EFNA5: variants seen among roughly 807,000 people sequenced by gnomAD.
EFNA5 encodes ephrin-A5.
Under a neutral mutation model 22.9 loss-of-function variants are expected in EFNA5, and 5 were observed. The observed-to-expected ratio is 0.22, with a 90% CI of 0.11 to 0.46. The LOEUF (loss-of-function observed/expected upper bound fraction) is 0.46. EFNA5 is among the 20% of genes least tolerant of loss of function. The pLI is 0.99. For synonymous variants in EFNA5, 113 were observed against 112.2 expected (o/e 1.01, Z -0.04); for missense variants, 237 against 293.3 (o/e 0.81, Z 1.40).
intron 2 of EFNA5, among the ~76,000 whole-genome samples, chr5:107,392,768 G>A (rs1747822937): frequency 6.6e-6 from 1 of 152,274 alleles, no homozygotes; most frequent in East Asian, 1.9e-4. Context: ...TCTGCTAATG[G>A]CCAGCATGCC....
At chr5:107,598,597 C>T (rs2112510194) in intron 1 of EFNA5, among the ~76,000 whole-genome samples, 1 of 152,224 alleles carries the variant, frequency 6.6e-6, no homozygotes, top group East Asian at 1.9e-4. Context: ...AGGCTATGTA[C>T]CCACAAAGCA....
Position 107,649,508 on chromosome 5 carries a change from T to C in EFNA5, c.125+20981A>G, listed in dbSNP as rs183633736. On this transcript the variant is annotated intron_variant, in intron 1 of 4. Transcript: ENST00000333274. ...AAAAATGAATAATATGTAGATTTCATGGATCCAAAATTATGCACCATGCAT... is the reference window on the plus strand; with the variant it reads ...AAAAATGAATAATATGTAGATTTCACGGATCCAAAATTATGCACCATGCAT... Among the ~76,000 whole-genome samples the C allele has an allele frequency of 2.9e-3, 446 of 152,294 alleles. 3 individuals are homozygous for C. The highest frequency in any genetic ancestry group is 1.0e-2 in the African/African-American group (414 of 41,570).
intron 1 of EFNA5, among the ~76,000 whole-genome samples, chr5:107,523,706 G>C (rs1747640654): frequency 6.6e-6 from 1 of 152,212 alleles, no homozygotes; most frequent in Admixed American, 6.5e-5. Context: ...GCACTTATCT[G>C]TCATCCCTTC....
chr5:107,577,903 T>C (rs1748959865), intron 1 of EFNA5, among the ~76,000 whole-genome samples: 2 of 152,146 alleles, frequency 1.3e-5, no homozygotes, highest in South Asian at 2.1e-4. Flanking sequence ...GGTTCAGACA[T>C]TGCTGTGGAA....
At chr5:107,443,423 C>A (rs1580454897) in intron 1 of EFNA5, among the ~76,000 whole-genome samples, 1 of 152,206 alleles carries the variant, frequency 6.6e-6, no homozygotes, top group Admixed American at 6.5e-5. Context: ...ACTATACCCC[C>A]TCAAGAACAG....
At chr5:107,606,843 A>G (rs1749735126) in intron 1 of EFNA5, among the ~76,000 whole-genome samples, 1 of 152,104 alleles carries the variant, frequency 6.6e-6, no homozygotes, top group African/African-American at 2.4e-5. Flanking sequence ...ATGAATAGAA[A>G]AGGGTTTCTC....
At chr5:107,431,362 A>G (rs1319925157) in intron 1 of EFNA5, among the ~76,000 whole-genome samples, 8 of 152,140 alleles carry the variant, frequency 5.3e-5, no homozygotes, top group Admixed American at 4.6e-4. Flanking sequence ...ATATCAAATC[A>G]TGTTCTCTGG....
intron 1 of EFNA5, among the ~76,000 whole-genome samples, chr5:107,619,077 A>C (rs1411281892): frequency 6.6e-6 from 1 of 151,902 alleles, no homozygotes. Flanking sequence ...ACCTGACACC[A>C]CGCCTGGCTA....
intron 1 of EFNA5, among the ~76,000 whole-genome samples, chr5:107,651,405 A>G (rs1750726866): frequency 6.6e-6 from 1 of 152,146 alleles, no homozygotes. Context: ...CTATAAAGCA[A>G]AAATGAATCT....
intron 1 of EFNA5, among the ~76,000 whole-genome samples, chr5:107,645,288 A>C (rs751921493): frequency 4.6e-5 from 7 of 152,210 alleles, no homozygotes; most frequent in Non-Finnish European, 5.9e-5. Flanking sequence ...AAGTTGAAGT[A>C]ATTTCCGGGC....
chr5:107,380,900 A>C lies in EFNA5; in HGVS notation c.*355T>G, dbSNP rs1747437024. 3 of 420,830 alleles carry C rather than the reference A, an allele frequency of 7.1e-6. No individual in the cohort carries two copies. Among genetic ancestry groups the C allele is most frequent in the Non-Finnish European group, 1.3e-5 (3 of 238,110 alleles). 26.1% of individuals were successfully genotyped at this position (420,830 alleles called of 1,614,324 possible). On this transcript the variant is annotated 3_prime_UTR_variant, in exon 5 of 5. Coordinates refer to ENST00000333274, the MANE Select transcript of EFNA5 (RefSeq NM_001962.3). ...ATTCTTCCTTGTCCATAGCCCGCTG[A>C]CACAGTGCGCTAACGGAGGTGAGTT...
chr5:107,638,552 C>T (rs1750434772), intron 1 of EFNA5, among the ~76,000 whole-genome samples: 1 of 152,020 alleles, frequency 6.6e-6, no homozygotes, highest in African/African-American at 2.4e-5. Context: ...TACAAAAATG[C>T]AAAATTTAAA....
intron 2 of EFNA5, among the ~76,000 whole-genome samples, chr5:107,406,983 C>A (rs550578683): frequency 2.0e-5 from 3 of 152,286 alleles, no homozygotes; most frequent in Non-Finnish European, 4.4e-5. Context: ...GAGTTTCGTG[C>A]AATTTAAGTA....
intron 1 of EFNA5, among the ~76,000 whole-genome samples, chr5:107,556,148 AC>A (rs1253987869): frequency 1.3e-5 from 2 of 152,212 alleles, no homozygotes; most frequent in Non-Finnish European, 2.9e-5. Flanking sequence ...TTGTGGATAA[AC>A]ATGCTATCCC....
chr5:107,518,226 C>T (rs1473427383), intron 1 of EFNA5, among the ~76,000 whole-genome samples: 5 of 151,542 alleles, frequency 3.3e-5, no homozygotes, highest in African/African-American at 1.2e-4. Flanking sequence ...CCTAATGCTC[C>T]TTCAGTGTTT....
At chr5:107,638,536 T>C (rs1407909052) in intron 1 of EFNA5, among the ~76,000 whole-genome samples, 1 of 152,140 alleles carries the variant, frequency 6.6e-6, no homozygotes, top group Non-Finnish European at 1.5e-5. Context: ...AAGTAAGATA[T>C]AACAATACAA....
At chr5:107,637,412 A>G (rs944253583) in intron 1 of EFNA5, among the ~76,000 whole-genome samples, 9 of 152,084 alleles carry the variant, frequency 5.9e-5, no homozygotes, top group Non-Finnish European at 1.2e-4. Context: ...TTCATTGGAG[A>G]ATGCTAACAG....
chr5:107,434,247 T>C (rs1016143190), intron 1 of EFNA5, among the ~76,000 whole-genome samples: 3 of 152,248 alleles, frequency 2.0e-5, no homozygotes, highest in African/African-American at 7.2e-5. Flanking sequence ...TCTTGGTTCC[T>C]CTTTACTAAG....
intron 1 of EFNA5, among the ~76,000 whole-genome samples, chr5:107,556,873 C>A (rs756959797): frequency 1.3e-5 from 2 of 152,024 alleles, no homozygotes; most frequent in Non-Finnish European, 2.9e-5. Flanking sequence ...AAAGCCAATT[C>A]ATTACTCCAT....
Sources: allele counts gnomAD v4.1 joint callset (sites outside exome capture counted in the v4.1 genomes callset), GRCh38; gene constraint gnomAD v4.1.1; transcripts MANE v1.5; gene names NCBI Gene and HGNC (gene_info 2026-07-23, HGNC 2026-07-21).